The following CUX2 variants were observed in gnomAD, a reference collection of about 807,000 sequenced individuals.
The protein encoded by CUX2 is homeobox protein cut-like 2.
In CUX2, 40 loss-of-function variants were observed where a neutral mutation model predicts 144.8. The ratio of observed to expected loss-of-function variants is 0.28; its 90% CI spans 0.21 to 0.36. The LOEUF (loss-of-function observed/expected upper bound fraction) is 0.36, where lower values mean the gene tolerates loss of function less well. CUX2 is among the 10% of genes least tolerant of loss of function. CUX2 has a pLI of 1.00. For synonymous variants in CUX2, 827 were observed against 875.6 expected, an observed-to-expected ratio of 0.94 and a Z score of 0.98; for missense variants, 1,615 against 1,994.0, an observed-to-expected ratio of 0.81 and a Z score of 3.62.
chr12:111,151,774 G>T (rs1284362896), intron 1 of CUX2, among the ~76,000 whole-genome samples: 1 of 152,080 alleles, frequency 6.6e-6, no homozygotes, highest in East Asian at 1.9e-4. Flanking sequence ...CTGAGGGCTG[G>T]CCAGGCTCGC....
intron 1 of CUX2, among the ~76,000 whole-genome samples, chr12:111,206,773 G>A (rs1880944055): frequency 1.3e-5 from 2 of 152,212 alleles, no homozygotes; most frequent in Non-Finnish European, 2.9e-5. Flanking sequence ...AAGATCAGTT[G>A]GGTGAATAGA....
chr12:111,197,169 G>A (rs115448323), intron 1 of CUX2, among the ~76,000 whole-genome samples: 114 of 152,304 alleles, frequency 7.5e-4, no homozygotes, highest in African/African-American at 2.7e-3. Flanking sequence ...TTTCTCATCT[G>A]CAAAATGGAA....
At chr12:111,324,023 G>A (rs1236101495) in intron 18 of CUX2, among the ~76,000 whole-genome samples, 2 of 151,934 alleles carry the variant, frequency 1.3e-5, no homozygotes, top group Non-Finnish European at 2.9e-5. Flanking sequence ...CACTGCACTG[G>A]GCAAGTGAGA....
rs533150940 is a variant in CUX2, at chr12:111,313,814, T to C, written c.2002+1613T>C. ...TCACAAACGACTCTGCTGGTGTGGCTGTCCCTCCGTCTGCTGTGGGGGCTT... is the reference window on the plus strand; with the variant it reads ...TCACAAACGACTCTGCTGGTGTGGCCGTCCCTCCGTCTGCTGTGGGGGCTT... On this transcript the variant is annotated intron_variant, in intron 16 of 21. Coordinates refer to ENST00000261726, the MANE Select transcript of CUX2 (RefSeq NM_015267.4). Among the ~76,000 whole-genome samples, 3 of 152,320 alleles carry C rather than the reference T, an allele frequency of 2.0e-5. No homozygotes were observed. In the East Asian group the frequency reaches 5.8e-4, roughly 29 times the overall value.
intron 9 of CUX2, among the ~76,000 whole-genome samples, chr12:111,300,841 C>T (rs1039137390): frequency 6.6e-6 from 1 of 152,050 alleles, no homozygotes; most frequent in African/African-American, 2.4e-5. Flanking sequence ...AGTTTGAGAC[C>T]AGCCTGGGAA....
chr12:111,201,559 C>T (rs561967402), intron 1 of CUX2, among the ~76,000 whole-genome samples: 54 of 152,316 alleles, frequency 3.5e-4, no homozygotes, highest in African/African-American at 1.2e-3. Context: ...CTTGGGACTA[C>T]GCCTGCATAT....
chr12:111,168,332 G>A (rs1440711561), intron 1 of CUX2, among the ~76,000 whole-genome samples: 4 of 151,474 alleles, frequency 2.6e-5, no homozygotes, highest in Non-Finnish European at 5.9e-5. Context: ...TGCAGAAGAT[G>A]TCACAAGCCC....
rs1216855079 is a variant in CUX2, at chr12:111,059,544, T to A, written c.63+25304T>A. ...TCACCTTCCAAATGGGGCACGTGACTCTTCTGACTTTCCTAGGTCCCCCCA... is the reference window on the plus strand; with the variant it reads ...TCACCTTCCAAATGGGGCACGTGACACTTCTGACTTTCCTAGGTCCCCCCA... On this transcript the variant is annotated intron_variant, in intron 1 of 21. Coordinates refer to ENST00000261726, the MANE Select transcript of CUX2 (RefSeq NM_015267.4). This position sits in a 1 kb window ranked among gnomAD's most constrained non-coding sequence, Gnocchi z 5.3. 6.6e-6 allele frequency among the ~76,000 whole-genome samples: 1 copy of A among 152,084 alleles called. No homozygotes were observed. The highest frequency in any genetic ancestry group is 1.5e-5 in the Non-Finnish European group (1 of 68,018).
rs1469954139 is a variant in CUX2 at position 111,348,724 on chromosome 12, T to A, written c.*399T>A. ...GCTGTTTTGATATTACAGAGAGTTA[T>A]AAAATCAGGATGCTGTCACAACTGT... On this transcript the variant is annotated 3_prime_UTR_variant, in exon 22 of 22. Transcript: ENST00000261726. The A allele has an allele frequency of 1.2e-5, 2 of 172,482 alleles. No individual in the cohort carries two copies. The highest frequency in any genetic ancestry group is 2.5e-5 in the Non-Finnish European group (2 of 80,828). 10.7% of individuals were successfully genotyped at this position (172,482 alleles called of 1,614,324 possible). A position where few individuals can be genotyped will look rare whatever the true frequency, so the allele number is the denominator to read the frequency against.
chr12:111,264,651 A>G (rs1288330304), intron 4 of CUX2, among the ~76,000 whole-genome samples: 5 of 152,180 alleles, frequency 3.3e-5, no homozygotes, highest in African/African-American at 1.2e-4. Context: ...AGGCTGAGAC[A>G]GGAGAATCGC....
Position 111,103,534 on chromosome 12 carries a change from C to T in CUX2, c.63+69294C>T, listed in dbSNP as rs188106616. Among the ~76,000 whole-genome samples, 176 of 152,272 alleles carry T rather than the reference C, an allele frequency of 1.2e-3. 1 individual carries two copies. Among genetic ancestry groups the T allele is most frequent in the South Asian group, 2.5e-3 (12 of 4,826 alleles). On this transcript the variant is annotated intron_variant, in intron 1 of 21. Coordinates refer to ENST00000261726, the MANE Select transcript of CUX2 (RefSeq NM_015267.4). ...TTCATTCAGTGAACATTTCTGTGCTCAGTGCTGGGATGCAAGGAGATGCCC... is the reference window on the plus strand; with the variant it reads ...TTCATTCAGTGAACATTTCTGTGCTTAGTGCTGGGATGCAAGGAGATGCCC...
At position 111,304,231 on chromosome 12, in the gene CUX2, G is replaced by A; in HGVS notation, c.775G>A (p.Glu259Lys). The change falls in exon 10 of 22, where the codon GAG becomes AAG. Residue 259 changes from glutamate (E) to lysine (K), a missense_variant. Transcript: ENST00000261726. This position sits in a 1 kb window ranked among gnomAD's most constrained non-coding sequence, Gnocchi z 4.7. ...CCAGCGAGCTGAGGCTGCCCAGCGG[G>A]AGGTGGAAAGTCTCCGGGAACAGCT... ...ANQRAEAAQR[E>K]VESLREQLAS... 1.9e-6 allele frequency: 3 copies of A among 1,613,788 alleles called. No individual in the cohort carries two copies. The highest frequency in any genetic ancestry group is 2.5e-6 in the Non-Finnish European group (3 of 1,179,884).
intron 3 of CUX2, among the ~76,000 whole-genome samples, chr12:111,256,152 G>A (rs548544496): frequency 9.2e-5 from 14 of 151,978 alleles, no homozygotes; most frequent in African/African-American, 2.9e-4. Flanking sequence ...ACGGCCCATC[G>A]GCCCCTACCC....
At chr12:111,089,015 G>C (rs914652943) in intron 1 of CUX2, among the ~76,000 whole-genome samples, 12 of 152,194 alleles carry the variant, frequency 7.9e-5, no homozygotes, top group African/African-American at 1.7e-4. Flanking sequence ...ATCCAGGGGC[G>C]GTGGTGTGCA....
At chr12:111,319,985 C>T (rs770433765) in intron 16 of CUX2, 27 bp from the exon 17 acceptor site, 25 of 1,453,302 alleles carry the variant, frequency 1.7e-5, no homozygotes, top group African/African-American at 7.4e-5. Flanking sequence ...CCCTGGGCCT[C>T]GGGCCGTCCT....
At chr12:111,328,743 G>T (rs1355906987) in intron 18 of CUX2, among the ~76,000 whole-genome samples, 1 of 151,686 alleles carries the variant, frequency 6.6e-6, no homozygotes, top group African/African-American at 2.4e-5. Flanking sequence ...GGGATTACAG[G>T]CACCCAACTA....
At chr12:111,058,410 T>C (rs180913176) in intron 1 of CUX2, among the ~76,000 whole-genome samples, 105 of 152,234 alleles carry the variant, frequency 6.9e-4, no homozygotes, top group Non-Finnish European at 1.4e-3. Flanking sequence ...TTCACACAAG[T>C]GTGATTATTA....
chr12:111,345,599 A>T (rs1388011605), intron 21 of CUX2, among the ~76,000 whole-genome samples: 1 of 151,106 alleles, frequency 6.6e-6, no homozygotes, highest in East Asian at 2.0e-4. Context: ...AAAATTAGCC[A>T]GGCGTGGTGG....
rs1222430801 is a variant in CUX2, at chr12:111,310,581, A to G, written c.1799A>G (p.Lys600Arg). ...CTAGCCCGGCCCAAGCCCTGGCGCA[A>G]GCTCACGGTGAAGGGCAAGGAGCCC... ...EILARPKPWRKLTVKGKEPFI... is the reference protein window; with the variant it reads ...EILARPKPWRRLTVKGKEPFI... The change falls in exon 15 of 22, where the codon AAG (lysine) becomes AGG (arginine). Residue 600 changes from lysine (K) to arginine (R), a missense_variant. Physicochemically the swap from Lys to Arg is conservative, Grantham distance 26. Around this residue, in one of 12 missense-constraint regions of CUX2, gnomAD observed 71 missense variants for 142.3 expected, o/e 0.50. Coordinates refer to ENST00000261726, the MANE Select transcript of CUX2 (RefSeq NM_015267.4). The surrounding 1 kb of genome is among the most constrained non-coding windows in gnomAD (Gnocchi z 7.9). 6.2e-7 allele frequency: 1 copy of G among 1,613,890 alleles called. No homozygotes were observed. Among genetic ancestry groups the G allele is most frequent in the Non-Finnish European group, 8.5e-7 (1 of 1,179,974 alleles).
Sources: allele counts gnomAD v4.1 joint callset (sites outside exome capture counted in the v4.1 genomes callset), GRCh38; gene constraint gnomAD v4.1.1; regional missense constraint gnomAD v4.1.1; non-coding constraint Gnocchi (gnomAD v3.1); transcripts MANE v1.5; gene names NCBI Gene and HGNC (gene_info 2026-07-23, HGNC 2026-07-21).